Variants in ST6GALNAC3 observed in about 807,000 individuals in gnomAD.
The protein encoded by ST6GALNAC3 is alpha-N-acetylgalactosaminide alpha-2,6-sialyltransferase 3.
Under a neutral mutation model 32.7 loss-of-function variants are expected in ST6GALNAC3, and 25 were observed. The ratio of observed to expected loss-of-function variants is 0.76; its 90% CI spans 0.56 to 1.07. The LOEUF (loss-of-function observed/expected upper bound fraction) is 1.07, where lower values mean the gene tolerates loss of function less well. Among genes scored for constraint, ST6GALNAC3 ranks in the 50% least tolerant of loss-of-function variants. ST6GALNAC3 has a pLI of 0.00. For synonymous variants in ST6GALNAC3, 129 were observed against 133.1 expected, an observed-to-expected ratio of 0.97 and a Z score of 0.21; for missense variants, 355 against 382.4, an observed-to-expected ratio of 0.93 and a Z score of 0.60.
chr1:76,206,022 T>A (rs1211369625), intron 1 of ST6GALNAC3, among the ~76,000 whole-genome samples: 1 of 152,214 alleles, frequency 6.6e-6, no homozygotes. Flanking sequence ...TTTCTTGAGC[T>A]CTTTTCATAT....
At position 76,630,721 on chromosome 1, in the gene ST6GALNAC3, C is replaced by T. The variant is rs1649252887; in HGVS notation, c.*1915C>T. The T allele has an allele frequency of 1.0e-6, 1 of 985,472 alleles. No individual in the cohort carries two copies. Among genetic ancestry groups the T allele is most frequent in the South Asian group, 4.7e-5 (1 of 21,286 alleles). 61.0% of individuals were successfully genotyped at this position (985,472 alleles called of 1,614,324 possible). On this transcript the variant is annotated 3_prime_UTR_variant, in exon 5 of 5. Coordinates refer to ENST00000328299, the MANE Select transcript of ST6GALNAC3 (RefSeq NM_152996.4). ...AATTTTGACACCTCAATATTCACAC[C>T]CATAAACATTACTAAGCCCCAGTTC...
intron 1 of ST6GALNAC3, among the ~76,000 whole-genome samples, chr1:76,129,348 G>A (rs964971324): frequency 1.3e-5 from 2 of 152,106 alleles, no homozygotes; most frequent in African/African-American, 4.8e-5. Context: ...AGGAGTGGTT[G>A]GGTACACAGA....
At chr1:76,241,391 T>C (rs1656957733) in intron 1 of ST6GALNAC3, among the ~76,000 whole-genome samples, 1 of 152,048 alleles carries the variant, frequency 6.6e-6, no homozygotes, top group Admixed American at 6.6e-5. Flanking sequence ...AGAGATCACA[T>C]AGTGAGAGAG....
chr1:76,546,773 G>C (rs1664322647), intron 3 of ST6GALNAC3, among the ~76,000 whole-genome samples: 1 of 152,214 alleles, frequency 6.6e-6, no homozygotes, highest in South Asian at 2.1e-4. Flanking sequence ...TCCAGGTTGA[G>C]GCTGCCTGTG....
At position 76,158,445 on chromosome 1, in the gene ST6GALNAC3, G is replaced by A. The variant is rs1431376602; in HGVS notation, c.18+83561G>A. On this transcript the variant is annotated intron_variant, in intron 1 of 4. Coordinates refer to ENST00000328299, the MANE Select transcript of ST6GALNAC3 (RefSeq NM_152996.4). ...CACCTTTATATCTTCAGTCTGTAGGGCAGGTCATAACACCTGCAGCCACAG... is the reference window on the plus strand; with the variant it reads ...CACCTTTATATCTTCAGTCTGTAGGACAGGTCATAACACCTGCAGCCACAG... 3.9e-5 allele frequency among the ~76,000 whole-genome samples: 6 copies of A among 152,186 alleles called. No individual in the cohort carries two copies. In the East Asian group the frequency reaches 5.8e-4, roughly 15 times the overall value.
At chr1:76,466,677 C>A (rs1361663092) in intron 3 of ST6GALNAC3, among the ~76,000 whole-genome samples, 1 of 152,006 alleles carries the variant, frequency 6.6e-6, no homozygotes, top group East Asian at 1.9e-4. Flanking sequence ...ATGTTCACTG[C>A]AGAATTTTTT....
intron 3 of ST6GALNAC3, chr1:76,577,339 A>G (rs1646827578): frequency 1.0e-6 from 1 of 987,036 alleles, no homozygotes; most frequent in Non-Finnish European, 1.2e-6. Flanking sequence ...TTCTGCTTGG[A>G]AGGTAACCTT....
intron 1 of ST6GALNAC3, among the ~76,000 whole-genome samples, chr1:76,202,268 A>ATGCGTG (rs375529641): frequency 6.2e-5 from 9 of 145,434 alleles, no homozygotes; most frequent in East Asian, 2.1e-4. Context: ...GTGTGCATGC[A>ATGCGTG]TGTGTGTGTG....
chr1:76,625,167 G>A (rs2100717080), intron 3 of ST6GALNAC3, among the ~76,000 whole-genome samples: 1 of 152,076 alleles, frequency 6.6e-6, no homozygotes, highest in East Asian at 1.9e-4. Flanking sequence ...GAAACACATG[G>A]CTGTGCTTTG....
intron 3 of ST6GALNAC3, among the ~76,000 whole-genome samples, chr1:76,440,092 C>T (rs1656435179): frequency 6.6e-6 from 1 of 152,174 alleles, no homozygotes; most frequent in Admixed American, 6.5e-5. Context: ...TTTCGTTTTA[C>T]AAAAGATATT....
intron 3 of ST6GALNAC3, among the ~76,000 whole-genome samples, chr1:76,426,477 A>T (rs189926619): frequency 2.0e-5 from 3 of 151,752 alleles, no homozygotes; most frequent in Non-Finnish European, 4.4e-5. Context: ...TGGAGCTGTC[A>T]TCTCCTATGA....
intron 2 of ST6GALNAC3, among the ~76,000 whole-genome samples, chr1:76,356,452 A>AAG (rs1553183939): frequency 8.6e-5 from 13 of 150,988 alleles, no homozygotes; most frequent in Admixed American, 7.9e-4. Context: ...AAAAAAAAAA[A>AAG]GCCTAATAGA....
chr1:76,090,358 A>G (rs1477925828), intron 1 of ST6GALNAC3, among the ~76,000 whole-genome samples: 1 of 152,230 alleles, frequency 6.6e-6, no homozygotes, highest in Non-Finnish European at 1.5e-5. Context: ...CTCACTGATA[A>G]GCAGATACTT....
chr1:76,298,435 A>G (rs1660537439), intron 1 of ST6GALNAC3, among the ~76,000 whole-genome samples: 1 of 152,076 alleles, frequency 6.6e-6, no homozygotes, highest in South Asian at 2.1e-4. Flanking sequence ...CTGAAATGTT[A>G]TAGGCCAAAG....
intron 3 of ST6GALNAC3, among the ~76,000 whole-genome samples, chr1:76,490,839 C>A (rs1295344582): frequency 2.0e-5 from 3 of 146,432 alleles, no homozygotes; most frequent in African/African-American, 8.1e-5. Flanking sequence ...CATTTAGTTT[C>A]TTTTTTTTCT....
intron 1 of ST6GALNAC3, among the ~76,000 whole-genome samples, chr1:76,128,768 G>C (rs1431162787): frequency 6.6e-6 from 1 of 152,220 alleles, no homozygotes; most frequent in Non-Finnish European, 1.5e-5. Context: ...GTCCAAGAAA[G>C]ATGATCAGGC....
chr1:76,210,502 A>G (rs1346322705), intron 1 of ST6GALNAC3, among the ~76,000 whole-genome samples: 4 of 152,194 alleles, frequency 2.6e-5, no homozygotes, highest in African/African-American at 9.6e-5. Context: ...ACATAATATG[A>G]TTCTTTTTGT....
chr1:76,483,228 G>C (rs1182639129), intron 3 of ST6GALNAC3, among the ~76,000 whole-genome samples: 1 of 152,096 alleles, frequency 6.6e-6, no homozygotes, highest in Non-Finnish European at 1.5e-5. Context: ...GTAATCCTTC[G>C]GGTATATACC....
At chr1:76,321,742 G>C (rs1027570487) in intron 2 of ST6GALNAC3, among the ~76,000 whole-genome samples, 2 of 152,124 alleles carry the variant, frequency 1.3e-5, no homozygotes, top group Admixed American at 6.5e-5. Context: ...TTATCCTTTT[G>C]TGGTAGAAAA....
Sources: gnomAD v4.1 joint callset for allele counts (sites outside exome capture counted in the v4.1 genomes callset) on GRCh38, gnomAD v4.1.1 for gene constraint, MANE v1.5 for transcripts, NCBI Gene and HGNC (gene_info 2026-07-23, HGNC 2026-07-21) for gene names.